Variants in LRRC4C observed in about 807,000 individuals in gnomAD.
The protein encoded by LRRC4C is leucine rich repeat containing 4C.
A neutral mutation model predicts 33.6 loss-of-function variants in LRRC4C; 5 were observed. That is an observed-to-expected ratio of 0.15 (90% confidence interval 0.08 to 0.31). The LOEUF is 0.31. Among genes scored for constraint, LRRC4C ranks in the 10% least tolerant of loss-of-function variants. The probability of loss-of-function intolerance (pLI) is 1.00; values close to 1 mark genes in which losing one functional copy is unlikely to be tolerated. For synonymous variants in LRRC4C, 329 were observed against 302.0 expected (o/e 1.09, Z -0.93); for missense variants, 560 against 796.7 (o/e 0.70, Z 3.58).
At chr11:40,346,723 A>C (rs1177053779) in intron 3 of LRRC4C, among the ~76,000 whole-genome samples, 1 of 152,178 alleles carries the variant, frequency 6.6e-6, no homozygotes. Context: ...TTAAAAGCAA[A>C]CAACATGAAT....
At chr11:41,012,342 T>A (rs1337740789) in intron 1 of LRRC4C, among the ~76,000 whole-genome samples, 1 of 152,210 alleles carries the variant, frequency 6.6e-6, no homozygotes, top group Non-Finnish European at 1.5e-5. Flanking sequence ...TATTTGTTAT[T>A]CTGTGCTTGG....
chr11:41,155,523 C>T (rs1294672217), intron 1 of LRRC4C, among the ~76,000 whole-genome samples: 1 of 152,074 alleles, frequency 6.6e-6, no homozygotes, highest in Non-Finnish European at 1.5e-5. Flanking sequence ...CCCTATGTCC[C>T]TTCCCAAAGC....
At chr11:40,431,426 A>T (rs1264841970) in intron 3 of LRRC4C, among the ~76,000 whole-genome samples, 1 of 150,564 alleles carries the variant, frequency 6.6e-6, no homozygotes, top group Non-Finnish European at 1.5e-5. Context: ...GACATTCTTA[A>T]CTATAAGGTA....
At chr11:41,452,862 T>C (rs571038000) in intron 1 of LRRC4C, among the ~76,000 whole-genome samples, 6 of 152,276 alleles carry the variant, frequency 3.9e-5, no homozygotes, top group South Asian at 4.1e-4. Context: ...ACAACATTTA[T>C]ACAAACTGAA....
At chr11:40,250,479 C>A (rs1224428718) in intron 4 of LRRC4C, among the ~76,000 whole-genome samples, 1 of 152,020 alleles carries the variant, frequency 6.6e-6, no homozygotes, top group East Asian at 1.9e-4. Context: ...GTGGCTCATG[C>A]CTGTAACCCC....
chr11:41,218,473 T>TGCAACAGTCTG (rs1947158856), intron 1 of LRRC4C, among the ~76,000 whole-genome samples: 1 of 152,234 alleles, frequency 6.6e-6, no homozygotes, highest in African/African-American at 2.4e-5. Context: ...GACCCTGTGA[T>TGCAACAGTCTG]GCAACAGTCT....
At chr11:40,350,945 G>T (rs1181427641) in intron 3 of LRRC4C, among the ~76,000 whole-genome samples, 2 of 151,988 alleles carry the variant, frequency 1.3e-5, no homozygotes, top group African/African-American at 4.8e-5. Flanking sequence ...TTTGTATCCT[G>T]CAACTTTACT....
Position 41,108,681 on chromosome 11 carries a change from G to A in LRRC4C, c.-495-174958C>T, listed in dbSNP as rs145629041. On this transcript the variant is annotated intron_variant, in intron 1 of 6. Coordinates refer to ENST00000528697, the MANE Select transcript of LRRC4C (RefSeq NM_001258419.2). ...CAATAGTATTTTGCTAATTCTGAAA[G>A]CTTCACATTTTGTTTAAATTATCGA... 3.3e-3 allele frequency among the ~76,000 whole-genome samples: 497 copies of A among 152,158 alleles called. 5 individuals are homozygous for A. The highest frequency in any genetic ancestry group is 0.011 in the African/African-American group (444 of 41,536).
intron 1 of LRRC4C, among the ~76,000 whole-genome samples, chr11:40,968,145 A>G (rs1484676233): frequency 6.6e-6 from 1 of 152,094 alleles, no homozygotes; most frequent in Non-Finnish European, 1.5e-5. Context: ...ATATTGAGAA[A>G]GTTTTCATGG....
chr11:40,786,007 T>C (rs1221950055), intron 2 of LRRC4C, among the ~76,000 whole-genome samples: 1 of 152,152 alleles, frequency 6.6e-6, no homozygotes, highest in African/African-American at 2.4e-5. Context: ...AAATTATACA[T>C]GAAAATTGGT....
intron 1 of LRRC4C, among the ~76,000 whole-genome samples, chr11:41,455,697 A>G (rs567628769): frequency 5.1e-4 from 78 of 152,316 alleles, no homozygotes; most frequent in African/African-American, 1.8e-3. Flanking sequence ...ACATTTCTAC[A>G]TAAGTGTATA....
At chr11:40,848,217 C>G (rs112217509) in intron 2 of LRRC4C, among the ~76,000 whole-genome samples, 19 of 152,090 alleles carry the variant, frequency 1.2e-4, no homozygotes, top group African/African-American at 4.3e-4. Context: ...TCTTGCTTCT[C>G]TAGTTCGTTT....
chr11:40,200,728 T>C (rs938873256), intron 5 of LRRC4C, among the ~76,000 whole-genome samples: 2 of 121,432 alleles, frequency 1.6e-5, no homozygotes, highest in African/African-American at 6.5e-5. Context: ...GTCATGCCAC[T>C]GCACCCCAGA....
At chr11:40,901,292 A>G (rs1276364840) in intron 2 of LRRC4C, among the ~76,000 whole-genome samples, 2 of 152,088 alleles carry the variant, frequency 1.3e-5, no homozygotes, top group African/African-American at 4.8e-5. Flanking sequence ...AATAGAGTAC[A>G]TATACAAATT....
At chr11:41,249,550 G>A (rs1472089536) in intron 1 of LRRC4C, among the ~76,000 whole-genome samples, 2 of 151,924 alleles carry the variant, frequency 1.3e-5, no homozygotes, top group Non-Finnish European at 2.9e-5. Flanking sequence ...CTACCTTTTT[G>A]ACTGCCTTTG....
intron 3 of LRRC4C, among the ~76,000 whole-genome samples, chr11:40,554,145 A>G (rs1050811592): frequency 1.3e-5 from 2 of 152,096 alleles, no homozygotes; most frequent in African/African-American, 4.8e-5. Context: ...TCCAATTTCA[A>G]TCTTTTGCAT....
At chr11:41,329,283 C>T (rs2137353436) in intron 1 of LRRC4C, among the ~76,000 whole-genome samples, 1 of 152,316 alleles carries the variant, frequency 6.6e-6, no homozygotes, top group South Asian at 2.1e-4. Flanking sequence ...AATCTCAAAT[C>T]TATATCCTCT....
chr11:41,224,332 T>A (rs978111225), intron 1 of LRRC4C, among the ~76,000 whole-genome samples: 19 of 152,138 alleles, frequency 1.2e-4, no homozygotes, highest in Non-Finnish European at 2.9e-5. Flanking sequence ...GACTAATGCA[T>A]CTATACCATT....
At position 41,246,555 on chromosome 11, in the gene LRRC4C, C is replaced by T. The variant is rs1948460344; in HGVS notation, c.-496+212876G>A. Among the ~76,000 whole-genome samples, 2 of 152,300 alleles carry T rather than the reference C, an allele frequency of 1.3e-5. 1 individual carries two copies. The highest frequency in any genetic ancestry group is 4.1e-4 in the South Asian group (2 of 4,826). ...TTCAACTTGGAAGCGGGCGGGGCTT[C>T]CACCTGTTCCCAGCTCCTGCAGCTC... On this transcript the variant is annotated intron_variant, in intron 1 of 6. Coordinates refer to ENST00000528697, the MANE Select transcript of LRRC4C (RefSeq NM_001258419.2).
Sources: gnomAD v4.1 joint callset for allele counts (sites outside exome capture counted in the v4.1 genomes callset) on GRCh38, gnomAD v4.1.1 for gene constraint, MANE v1.5 for transcripts, NCBI Gene and HGNC (gene_info 2026-07-23, HGNC 2026-07-21) for gene names.